The following HECW2 variants were observed in gnomAD, a reference collection of about 807,000 sequenced individuals.
The protein encoded by HECW2 is E3 ubiquitin-protein ligase HECW2.
Under a neutral mutation model 175.2 loss-of-function variants are expected in HECW2, and 61 were observed. That is an observed-to-expected ratio of 0.35 (90% confidence interval 0.28 to 0.43). The LOEUF is 0.43. HECW2 is among the 20% of genes least tolerant of loss of function. The pLI is 1.00. For missense variants in HECW2, 1,524 were observed against 2,000.5 expected (o/e 0.76, Z 4.54); for synonymous variants, 671 against 731.0 (o/e 0.92, Z 1.32).
At chr2:196,265,849 G>A (rs1036217234) in intron 17 of HECW2, among the ~76,000 whole-genome samples, 1 of 152,072 alleles carries the variant, frequency 6.6e-6, no homozygotes, top group African/African-American at 2.4e-5. Context: ...TGTCTCATTC[G>A]AAGTCACCTG....
At chr2:196,481,783 AT>A (rs57966297) in intron 1 of HECW2, among the ~76,000 whole-genome samples, 53,899 of 152,090 alleles carry the variant, frequency 0.35, 13,609 homozygotes, top group African/African-American at 0.72. Flanking sequence ...AACCATGGTC[AT>A]TAAGATTGCT....
intron 3 of HECW2, among the ~76,000 whole-genome samples, chr2:196,342,287 C>G (rs1021468943): frequency 2.1e-4 from 32 of 151,590 alleles, no homozygotes; most frequent in African/African-American, 7.7e-4. Flanking sequence ...GACTGTAATC[C>G]CAGCTACTCT....
chr2:196,361,117 T>A lies in HECW2; in HGVS notation c.293-17353A>T, dbSNP rs751816040. Among the ~76,000 whole-genome samples the A allele has an allele frequency of 4.6e-5, 7 of 152,308 alleles. No individual in the cohort carries two copies. In the South Asian group the frequency reaches 1.4e-3, roughly 32 times the overall value. On this transcript the variant is annotated intron_variant, in intron 2 of 28. Transcript: ENST00000644978. ...AAAACTAACTTGTAAGGAATTAGGA[T>A]AAAACTAAAATTTTGCCCTGGAGTT...
chr2:196,423,069 G>A (rs1380070252), intron 2 of HECW2, among the ~76,000 whole-genome samples: 1 of 152,058 alleles, frequency 6.6e-6, no homozygotes, highest in Non-Finnish European at 1.5e-5. Flanking sequence ...GGTAGAAGTG[G>A]CCCATTGTGT....
intron 14 of HECW2, among the ~76,000 whole-genome samples, chr2:196,280,358 GA>G (rs1004552766): frequency 6.6e-6 from 1 of 152,188 alleles, no homozygotes; most frequent in African/African-American, 2.4e-5. Flanking sequence ...TGCCTATTTA[GA>G]AACCTATTTT....
chr2:196,471,133 C>G (rs1220856480), intron 1 of HECW2, among the ~76,000 whole-genome samples: 1 of 151,890 alleles, frequency 6.6e-6, no homozygotes, highest in African/African-American at 2.4e-5. Context: ...TACAATTTAG[C>G]AATTCTACTC....
chr2:196,507,139 CGT>C (rs1687786291), intron 1 of HECW2, among the ~76,000 whole-genome samples: 1 of 100,276 alleles, frequency 1.0e-5, no homozygotes, highest in South Asian at 3.7e-4. Flanking sequence ...ATATTACACA[CGT>C]TAGTGTGTAT....
In HECW2 at chr2:196,350,258, G is replaced by A. The variant is rs13411101; in HGVS notation, c.293-6494C>T. Among the ~76,000 whole-genome samples the A allele has an allele frequency of 2.7e-3, 412 of 152,204 alleles. 1 individual carries two copies. Among genetic ancestry groups the A allele is most frequent in the African/African-American group, 9.6e-3 (397 of 41,524 alleles). On this transcript the variant is annotated intron_variant, in intron 2 of 28. Transcript: ENST00000644978. Reference sequence around the variant, plus strand: ...CACACACCTGTAATCCCAGCTATACGGGAGGCTGAGGCAGGAGAACTGCTT... The same window carrying A: ...CACACACCTGTAATCCCAGCTATACAGGAGGCTGAGGCAGGAGAACTGCTT...
intron 1 of HECW2, among the ~76,000 whole-genome samples, chr2:196,464,721 C>CTT (rs10660518): frequency 0.053 from 8,106 of 152,164 alleles, 715 homozygotes; most frequent in African/African-American, 0.18. Context: ...TAGGATAAGA[C>CTT]TGTGCTTGTA....
intron 2 of HECW2, among the ~76,000 whole-genome samples, chr2:196,408,131 T>A (rs1490996736): frequency 5.9e-5 from 9 of 152,238 alleles, no homozygotes. Context: ...TCCAATTCAC[T>A]TCCCCCTTCC....
chr2:196,295,915 C>T (rs867396644), intron 13 of HECW2, among the ~76,000 whole-genome samples: 23 of 152,282 alleles, frequency 1.5e-4, no homozygotes, highest in South Asian at 6.2e-4. Context: ...CAAAGAGCAT[C>T]TACCAAAGTA....
At chr2:196,416,258 G>T (rs71422617) in intron 2 of HECW2, among the ~76,000 whole-genome samples, 6,450 of 152,168 alleles carry the variant, frequency 0.042, 166 homozygotes, top group South Asian at 0.099. Flanking sequence ...TCTCTCCTAT[G>T]CCTAGGGCTT....
intron 1 of HECW2, among the ~76,000 whole-genome samples, chr2:196,530,563 T>C (rs1412772253): frequency 1.3e-5 from 2 of 152,202 alleles, no homozygotes; most frequent in Non-Finnish European, 2.9e-5. Context: ...ATTCCCTCTT[T>C]TCAAATGGTT....
intron 1 of HECW2, among the ~76,000 whole-genome samples, chr2:196,489,170 A>G (rs1384136609): frequency 6.6e-6 from 1 of 152,214 alleles, no homozygotes; most frequent in African/African-American, 2.4e-5. Context: ...GTTAATCAGA[A>G]GACAGCATGA....
chr2:196,296,609 C>A (rs1287459905), intron 13 of HECW2, among the ~76,000 whole-genome samples: 1 of 152,156 alleles, frequency 6.6e-6, no homozygotes, highest in African/African-American at 2.4e-5. Flanking sequence ...ATGTGCTAAG[C>A]CCTGTGCTAA....
At chr2:196,204,072 T>G (rs748513128) in intron 28 of HECW2, among the ~76,000 whole-genome samples, 3 of 152,248 alleles carry the variant, frequency 2.0e-5, no homozygotes, top group African/African-American at 4.8e-5. Context: ...TTCCATTGTA[T>G]GTATATACCA....
chr2:196,358,233 A>T (rs1482592601), intron 2 of HECW2, among the ~76,000 whole-genome samples: 1 of 152,194 alleles, frequency 6.6e-6, no homozygotes, highest in African/African-American at 2.4e-5. Context: ...ACATGAGTAT[A>T]GTATGTGAAC....
intron 2 of HECW2, among the ~76,000 whole-genome samples, chr2:196,414,403 T>C (rs1695197394): frequency 6.6e-6 from 1 of 152,222 alleles, no homozygotes; most frequent in Non-Finnish European, 1.5e-5. Flanking sequence ...CAGTATGTGT[T>C]AGGATCTTCT....
chr2:196,286,468 G>C (rs886325020), intron 14 of HECW2, among the ~76,000 whole-genome samples: 2 of 149,096 alleles, frequency 1.3e-5, no homozygotes, highest in Admixed American at 6.7e-5. Flanking sequence ...TCTGTACTTA[G>C]GCAATTCCTT....
Sources: allele counts gnomAD v4.1 joint callset (sites outside exome capture counted in the v4.1 genomes callset), GRCh38; gene constraint gnomAD v4.1.1; transcripts MANE v1.5; gene names NCBI Gene and HGNC (gene_info 2026-07-23, HGNC 2026-07-21).